The following CCDC3 variants were observed in gnomAD, a reference collection of about 807,000 sequenced individuals.
The protein encoded by CCDC3 is coiled-coil domain-containing protein 3.
A neutral mutation model predicts 21.4 loss-of-function variants in CCDC3; 24 were observed. The ratio of observed to expected loss-of-function variants is 1.12; its 90% CI spans 0.81 to 1.58. The LOEUF (loss-of-function observed/expected upper bound fraction) is 1.58, where lower values mean the gene tolerates loss of function less well. Among genes scored for constraint, CCDC3 ranks in the 40% most tolerant of loss-of-function variants. The probability of loss-of-function intolerance (pLI) is 0.00; values close to 1 mark genes in which losing one functional copy is unlikely to be tolerated. For synonymous variants in CCDC3, 186 were observed against 166.0 expected (o/e 1.12, Z -0.93); for missense variants, 425 against 360.9 (o/e 1.18, Z -1.44).
chr10:12,933,168 G>T (rs145234620), intron 2 of CCDC3, among the ~76,000 whole-genome samples: 296 of 152,272 alleles, frequency 1.9e-3, no homozygotes, highest in African/African-American at 6.2e-3. Flanking sequence ...CTGGCTTGTA[G>T]AATGAGTTAG....
chr10:12,976,645 T>C (rs187362610), intron 2 of CCDC3, among the ~76,000 whole-genome samples: 125 of 152,356 alleles, frequency 8.2e-4, no homozygotes, highest in African/African-American at 2.8e-3. Context: ...GGCCTCTAAA[T>C]AGGCCCTGTC....
chr10:12,911,776 T>C (rs938289299), intron 2 of CCDC3, among the ~76,000 whole-genome samples: 2 of 152,230 alleles, frequency 1.3e-5, no homozygotes, highest in Non-Finnish European at 2.9e-5. Context: ...TCCTTGTAAC[T>C]GAAATATTGT....
At chr10:12,932,376 A>C (rs1408141364) in intron 2 of CCDC3, among the ~76,000 whole-genome samples, 3 of 152,188 alleles carry the variant, frequency 2.0e-5, no homozygotes, top group Non-Finnish European at 4.4e-5. Flanking sequence ...AATCTAACAC[A>C]AAGCCTATTT....
chr10:12,970,582 T>C (rs1835327040), intron 2 of CCDC3, among the ~76,000 whole-genome samples: 1 of 152,128 alleles, frequency 6.6e-6, no homozygotes, highest in Admixed American at 6.5e-5. Flanking sequence ...ATTAAATAAA[T>C]TAAAAGTCAG....
chr10:13,086,711 G>A (rs944555457), intron 3 of CCDC3, among the ~76,000 whole-genome samples: 2 of 152,180 alleles, frequency 1.3e-5, no homozygotes, highest in African/African-American at 4.8e-5. Flanking sequence ...CTCCCAAAGT[G>A]CTAGGATTAC....
At chr10:13,000,636 C>T (rs1217659159) in intron 1 of CCDC3, among the ~76,000 whole-genome samples, 1 of 152,164 alleles carries the variant, frequency 6.6e-6, no homozygotes, top group Admixed American at 6.5e-5. Flanking sequence ...GGCATTTGAG[C>T]AAATGAGGAA....
chr10:13,067,955 C>T (rs1333423400), intron 4 of CCDC3, among the ~76,000 whole-genome samples: 1 of 152,100 alleles, frequency 6.6e-6, no homozygotes, highest in Non-Finnish European at 1.5e-5. Context: ...GATCTCTTTG[C>T]TGGAAAAGGG....
exon 3 of CCDC3, chr10:13,098,594 CT>C (rs773836214): frequency 4.6e-5 from 7 of 151,938 alleles, no homozygotes; most frequent in Non-Finnish European, 1.0e-4. Flanking sequence ...GTGACACCGT[CT>C]TTTCTGCCTG....
At chr10:12,915,633 T>C (rs778051750) in intron 2 of CCDC3, among the ~76,000 whole-genome samples, 35 of 152,230 alleles carry the variant, frequency 2.3e-4, no homozygotes, top group Non-Finnish European at 5.0e-4. Context: ...CTTTCACCAG[T>C]AGCCTGTCCA....
At chr10:13,064,943 T>C (rs1464559342) in intron 4 of CCDC3, among the ~76,000 whole-genome samples, 1 of 152,138 alleles carries the variant, frequency 6.6e-6, no homozygotes, top group Non-Finnish European at 1.5e-5. Flanking sequence ...CAATCAGATA[T>C]GCATTTATCT....
intron 2 of CCDC3, among the ~76,000 whole-genome samples, chr10:12,949,325 A>T (rs77572413): frequency 0.058 from 8,907 of 152,280 alleles, 348 homozygotes; most frequent in Middle Eastern, 0.15. Context: ...GCACAGCTTC[A>T]GTGAAGTGCT....
intron 2 of CCDC3, among the ~76,000 whole-genome samples, chr10:12,920,045 C>G (rs1703083314): frequency 6.6e-6 from 1 of 152,080 alleles, no homozygotes; most frequent in African/African-American, 2.4e-5. Context: ...GCTAAACATG[C>G]TAAGTGCATT....
intron 5 of CCDC3, among the ~76,000 whole-genome samples, chr10:13,021,701 G>A (rs1481923279): frequency 6.6e-6 from 1 of 152,112 alleles, no homozygotes; most frequent in Non-Finnish European, 1.5e-5. Context: ...GATGGATATT[G>A]TACAGGGATG....
chr10:13,065,675 G>A (rs556879871), intron 4 of CCDC3, among the ~76,000 whole-genome samples: 46 of 152,236 alleles, frequency 3.0e-4, no homozygotes, highest in Non-Finnish European at 6.0e-4. Context: ...CCACAGAATA[G>A]CTCCTCCATT....
chr10:12,899,586 C>G (rs181014779), intron 2 of CCDC3, among the ~76,000 whole-genome samples: 135 of 152,270 alleles, frequency 8.9e-4, no homozygotes, highest in African/African-American at 3.1e-3. Flanking sequence ...TATAGTAAAT[C>G]TACACAATGC....
chr10:12,986,010 G>GGA (rs1426190492), intron 2 of CCDC3, among the ~76,000 whole-genome samples: 1 of 152,164 alleles, frequency 6.6e-6, no homozygotes, highest in Non-Finnish European at 1.5e-5. Flanking sequence ...TGAGTAGCTG[G>GGA]GACTACAGGC....
intron 2 of CCDC3, among the ~76,000 whole-genome samples, chr10:12,965,378 C>G (rs1284287060): frequency 6.6e-6 from 1 of 152,138 alleles, no homozygotes; most frequent in Non-Finnish European, 1.5e-5. Context: ...AATCTTCTCC[C>G]TCCTCCCTCC....
chr10:13,064,000 T>C (rs982863707), intron 4 of CCDC3, among the ~76,000 whole-genome samples: 5 of 151,936 alleles, frequency 3.3e-5, no homozygotes, highest in African/African-American at 1.2e-4. Flanking sequence ...CCATCTCGGC[T>C]CACTGCAACC....
chr10:12,982,121 CAAAAAAAAAA>C (rs71386135), intron 2 of CCDC3, among the ~76,000 whole-genome samples: 4 of 33,230 alleles, frequency 1.2e-4, no homozygotes, highest in African/African-American at 5.4e-4. Context: ...GACTCTGTCT[CAAAAAAAAAA>C]AAAAAAAAAA....
Sources: allele counts gnomAD v4.1 joint callset (sites outside exome capture counted in the v4.1 genomes callset), GRCh38; gene constraint gnomAD v4.1.1; transcripts MANE v1.5; gene names NCBI Gene and HGNC (gene_info 2026-07-23, HGNC 2026-07-21).